Variants in GLG1 observed in about 807,000 individuals in gnomAD.
GLG1 encodes Golgi apparatus protein 1.
In GLG1, 38 loss-of-function variants were observed where a neutral mutation model predicts 160.5. The ratio of observed to expected loss-of-function variants is 0.24; its 90% CI spans 0.18 to 0.31. The LOEUF is 0.31. GLG1 is among the 10% of genes least tolerant of loss of function. The pLI, the probability that GLG1 is intolerant of heterozygous loss-of-function variation, is 1.00. For synonymous variants in GLG1, 644 were observed against 543.4 expected, an observed-to-expected ratio of 1.19 and a Z score of -2.57; for missense variants, 1,373 against 1,505.2, an observed-to-expected ratio of 0.91 and a Z score of 1.45.
chr16:74,541,238 C>T (rs2017857576), intron 1 of GLG1, among the ~76,000 whole-genome samples: 3 of 149,376 alleles, frequency 2.0e-5, no homozygotes, highest in African/African-American at 7.4e-5. Flanking sequence ...GCAGAAGAAT[C>T]ACTTGAACCT....
At chr16:74,566,291 ATCTACATAAATTATTTGTGAT>A (rs1567527679) in intron 1 of GLG1, among the ~76,000 whole-genome samples, 17 of 152,228 alleles carry the variant, frequency 1.1e-4, no homozygotes. Flanking sequence ...CAGGGAAAGT[ATCTACATAAATTATTTGTGAT>A]TCTTCTCTAC....
At chr16:74,474,468 G>A in intron 13 of GLG1, 78 bp downstream of exon 13, 2 of 789,788 alleles carry the variant, frequency 2.5e-6, no homozygotes, top group Non-Finnish European at 4.6e-6. Flanking sequence ...CAGGAGTCTA[G>A]AAACAGTAGA....
At chr16:74,604,984 T>G (rs977850284) in intron 1 of GLG1, among the ~76,000 whole-genome samples, 33 of 152,070 alleles carry the variant, frequency 2.2e-4, no homozygotes, top group African/African-American at 2.7e-4. Flanking sequence ...AGGTGGAGGT[T>G]GCAGTGAGCC....
intron 1 of GLG1, among the ~76,000 whole-genome samples, chr16:74,535,395 A>T (rs2017661378): frequency 6.6e-6 from 1 of 152,176 alleles, no homozygotes; most frequent in Admixed American, 6.5e-5. Context: ...TGCTATCTTG[A>T]TTTGCAACTG....
At chr16:74,604,380 C>A (rs564018639) in intron 1 of GLG1, among the ~76,000 whole-genome samples, 3 of 152,150 alleles carry the variant, frequency 2.0e-5, no homozygotes, top group South Asian at 4.1e-4. Flanking sequence ...TATGGAAATA[C>A]GACACCATTT....
At chr16:74,491,783 C>T (rs1253709681) in intron 7 of GLG1, among the ~76,000 whole-genome samples, 1 of 151,568 alleles carries the variant, frequency 6.6e-6, no homozygotes. Context: ...GGACTACAGG[C>T]GCCTGCCACC....
intron 13 of GLG1, among the ~76,000 whole-genome samples, chr16:74,473,732 C>A (rs532519860): frequency 3.3e-5 from 5 of 152,162 alleles, no homozygotes; most frequent in Admixed American, 2.0e-4. Flanking sequence ...AGCCACTGCA[C>A]CTGGCCTCTA....
At chr16:74,566,445 T>G (rs537218792) in intron 1 of GLG1, among the ~76,000 whole-genome samples, 1 of 152,220 alleles carries the variant, frequency 6.6e-6, no homozygotes, top group Non-Finnish European at 1.5e-5. Flanking sequence ...GTGAAACTTT[T>G]GGTTTATCTT....
At chr16:74,458,024 C>T in intron 23 of GLG1, 30 bp from the exon 24 acceptor site, 4 of 1,609,686 alleles carry the variant, frequency 2.5e-6, no homozygotes, top group Non-Finnish European at 3.4e-6. Context: ...GCAGACAGAG[C>T]TTTTGAAGGG....
At chr16:74,455,905 A>G (rs754523258) in intron 25 of GLG1, among the ~76,000 whole-genome samples, 23 of 152,216 alleles carry the variant, frequency 1.5e-4, no homozygotes, top group Non-Finnish European at 3.1e-4. Context: ...TATGTAAACT[A>G]CAAAGCAATG....
In GLG1 at chr16:74,480,297, C is replaced by T. The variant is rs2015552082; in HGVS notation, c.1771G>A (p.Ala591Thr). 7.4e-6 allele frequency: 12 copies of T among 1,613,238 alleles called. No individual in the cohort carries two copies. The highest frequency in any genetic ancestry group is 1.0e-5 in the Non-Finnish European group (12 of 1,179,118). The change falls in exon 11 of 26, where the codon GCT becomes ACT. Residue 591 changes from alanine to threonine, a missense_variant. Transcript: ENST00000422840. Reference protein sequence around the residue: ...NETSEFMPQGAVFSCLYRHAY... With the variant: ...NETSEFMPQGTVFSCLYRHAY... ...TGTCTGTATAAACAAGAGAACACAG[C>T]TCCCTGAGGCATAAATTCACTGGTC...
chr16:74,488,104 G>A (rs1435389061), intron 8 of GLG1, among the ~76,000 whole-genome samples: 1 of 152,122 alleles, frequency 6.6e-6, no homozygotes, highest in Non-Finnish European at 1.5e-5. Context: ...TACTGAACAA[G>A]ATGATAATTA....
chr16:74,567,579 T>G (rs1240589452), intron 1 of GLG1, among the ~76,000 whole-genome samples: 1 of 91,602 alleles, frequency 1.1e-5, no homozygotes, highest in Non-Finnish European at 2.2e-5. Flanking sequence ...TTTTTTTTTT[T>G]GAGACGGAGT....
At chr16:74,561,883 T>C (rs2018523661) in intron 1 of GLG1, among the ~76,000 whole-genome samples, 1 of 152,148 alleles carries the variant, frequency 6.6e-6, no homozygotes, top group Non-Finnish European at 1.5e-5. Context: ...ATAGAAAACA[T>C]ATACATTGGT....
At chr16:74,571,661 A>G (rs1187321144) in intron 1 of GLG1, among the ~76,000 whole-genome samples, 2 of 144,234 alleles carry the variant, frequency 1.4e-5, no homozygotes, top group Non-Finnish European at 3.1e-5. Context: ...CTCAAAAAGG[A>G]AAAAAAAAAA....
chr16:74,561,790 T>C (rs767513165), intron 1 of GLG1, among the ~76,000 whole-genome samples: 1 of 152,238 alleles, frequency 6.6e-6, no homozygotes, highest in African/African-American at 2.4e-5. Context: ...CACAGCCACC[T>C]GGTCCTTCCT....
At chr16:74,553,230 A>G (rs1310414478) in intron 1 of GLG1, among the ~76,000 whole-genome samples, 1 of 151,526 alleles carries the variant, frequency 6.6e-6, no homozygotes, top group Non-Finnish European at 1.5e-5. Flanking sequence ...AAAAAAAAAA[A>G]AAAAAATTTT....
chr16:74,573,087 T>C (rs376762400), intron 1 of GLG1, among the ~76,000 whole-genome samples: 11 of 152,112 alleles, frequency 7.2e-5, no homozygotes, highest in African/African-American at 1.4e-4. Context: ...TGAGAGTAGA[T>C]AGTAGGAAAA....
At chr16:74,538,788 A>G (rs1484802072) in intron 1 of GLG1, among the ~76,000 whole-genome samples, 13 of 147,652 alleles carry the variant, frequency 8.8e-5, no homozygotes, top group Admixed American at 4.1e-4. Flanking sequence ...TCTCAAGTGC[A>G]TATCTAATCA....
Sources: allele counts gnomAD v4.1 joint callset (sites outside exome capture counted in the v4.1 genomes callset), GRCh38; gene constraint gnomAD v4.1.1; transcripts MANE v1.5; gene names NCBI Gene and HGNC (gene_info 2026-07-23, HGNC 2026-07-21).